The following FRMD4A variants were observed in gnomAD, a reference collection of about 807,000 sequenced individuals.
The protein encoded by FRMD4A is FERM domain containing 4A, also known as FERM domain-containing protein 4A.
Under a neutral mutation model 129.1 loss-of-function variants are expected in FRMD4A, and 29 were observed. That is an observed-to-expected ratio of 0.22 (90% CI 0.17 to 0.31). The LOEUF (loss-of-function observed/expected upper bound fraction) is 0.31, where lower values mean the gene tolerates loss of function less well. Among genes scored for constraint, FRMD4A ranks in the 10% least tolerant of loss-of-function variants. FRMD4A has a pLI of 1.00. For missense variants in FRMD4A, 1,272 were observed against 1,375.8 expected (o/e 0.92, Z 1.19); for synonymous variants, 634 against 571.6 (o/e 1.11, Z -1.56).
chr10:13,955,112 C>CTTCTTTTTT lies in FRMD4A; in HGVS notation c.46-96201_46-96200insAAAAAAGAA, dbSNP rs548228203. Among the ~76,000 whole-genome samples the CTTCTTTTTT allele has an allele frequency of 5.2e-4, 54 of 102,958 alleles. 1 individual carries two copies. The highest frequency in any genetic ancestry group is 6.4e-3 in the Middle Eastern group (1 of 156). The allele number at this position is 102,958 out of a possible 152,430, so 67.5% of individuals were successfully genotyped here. On this transcript the variant is annotated intron_variant, in intron 2 of 24. Coordinates refer to ENST00000357447, the MANE Select transcript of FRMD4A (RefSeq NM_018027.5). ...TTCCAACCCCATGTTAATAATTCTG[C>CTTCTTTTTT]TTTTTTTTTTTTTGAGACGGAGTAT...
intron 2 of FRMD4A, among the ~76,000 whole-genome samples, chr10:14,116,327 G>A (rs1044615435): frequency 3.3e-5 from 5 of 152,198 alleles, no homozygotes; most frequent in South Asian, 2.1e-4. Flanking sequence ...GGATTCAAGC[G>A]AAGAATGCAC....
At chr10:13,995,814 G>T (rs2095620560) in intron 2 of FRMD4A, among the ~76,000 whole-genome samples, 1 of 144,530 alleles carries the variant, frequency 6.9e-6, no homozygotes, top group Non-Finnish European at 1.5e-5. Flanking sequence ...TGCATTTCCA[G>T]ACTGCTTTTT....
chr10:13,832,799 C>G (rs1236007627), intron 3 of FRMD4A, among the ~76,000 whole-genome samples: 1 of 151,972 alleles, frequency 6.6e-6, no homozygotes, highest in Non-Finnish European at 1.5e-5. Flanking sequence ...GCCACCACAC[C>G]CGGCTAATTT....
chr10:14,206,179 T>A (rs1295883544), intron 2 of FRMD4A, among the ~76,000 whole-genome samples: 1 of 152,184 alleles, frequency 6.6e-6, no homozygotes, highest in Non-Finnish European at 1.5e-5. Flanking sequence ...CAGAATAATC[T>A]AAGAGACGCC....
At chr10:14,174,015 C>T (rs1841605620) in intron 2 of FRMD4A, among the ~76,000 whole-genome samples, 1 of 152,104 alleles carries the variant, frequency 6.6e-6, no homozygotes, top group South Asian at 2.1e-4. Context: ...CCCTTACCTT[C>T]GTCCTCATCG....
chr10:13,788,152 T>A (rs745735357), intron 5 of FRMD4A, among the ~76,000 whole-genome samples: 8 of 152,170 alleles, frequency 5.3e-5, no homozygotes, highest in Non-Finnish European at 1.0e-4. Flanking sequence ...GGACTGCTGG[T>A]GCCAGGGTTA....
At chr10:13,675,727 G>C (rs775421793) in intron 15 of FRMD4A, 1 of 151,950 alleles carries the variant, frequency 6.6e-6, no homozygotes, top group South Asian at 2.1e-4. Context: ...ATGTTATTTT[G>C]TTCCCTTAAA....
chr10:13,919,966 A>C, intron 2 of FRMD4A, among the ~76,000 whole-genome samples: 2 of 152,054 alleles, frequency 1.3e-5, no homozygotes, highest in Non-Finnish European at 2.9e-5. Context: ...CAAACACACA[A>C]ACAAACTAAC....
chr10:14,246,953 G>T (rs1317476710), intron 2 of FRMD4A, among the ~76,000 whole-genome samples: 1 of 152,146 alleles, frequency 6.6e-6, no homozygotes, highest in Non-Finnish European at 1.5e-5. Context: ...GTGAACATGG[G>T]CACGGTTAGA....
intron 2 of FRMD4A, among the ~76,000 whole-genome samples, chr10:14,228,896 C>T (rs1843539974): frequency 1.3e-5 from 2 of 152,040 alleles, no homozygotes; most frequent in Admixed American, 1.3e-4. Flanking sequence ...ATCAGATGAT[C>T]CAAGGTTGCT....
intron 5 of FRMD4A, among the ~76,000 whole-genome samples, chr10:13,783,755 T>G (rs1267587154): frequency 6.6e-6 from 1 of 152,332 alleles, no homozygotes; most frequent in East Asian, 1.9e-4. Context: ...GAAGTGTGAT[T>G]TGATTTCTGC....
At chr10:13,669,772 T>TTTTGTTTG (rs149570918) in intron 17 of FRMD4A, among the ~76,000 whole-genome samples, 1 of 152,152 alleles carries the variant, frequency 6.6e-6, no homozygotes, top group African/African-American at 2.4e-5. Flanking sequence ...CAAGTCTTGG[T>TTTTGTTTG]TTTGTTTGTT....
At chr10:13,895,501 G>A (rs1233472187) in intron 2 of FRMD4A, among the ~76,000 whole-genome samples, 1 of 152,120 alleles carries the variant, frequency 6.6e-6, no homozygotes, top group Non-Finnish European at 1.5e-5. Flanking sequence ...CTAGTACCTG[G>A]CACAAGATCT....
At chr10:14,316,340 C>G (rs1184352287) in intron 2 of FRMD4A, among the ~76,000 whole-genome samples, 1 of 152,110 alleles carries the variant, frequency 6.6e-6, no homozygotes, top group East Asian at 1.9e-4. Context: ...AGTTCAGCCC[C>G]CTCTTGCTCT....
intron 2 of FRMD4A, among the ~76,000 whole-genome samples, chr10:14,079,347 A>T (rs1835795053): frequency 6.6e-6 from 1 of 152,198 alleles, no homozygotes; most frequent in South Asian, 2.1e-4. Flanking sequence ...CATAGAAGGA[A>T]AAGCCCAGAC....
chr10:13,677,955 C>T (rs1012969151), intron 15 of FRMD4A, among the ~76,000 whole-genome samples: 1 of 152,194 alleles, frequency 6.6e-6, no homozygotes, highest in East Asian at 1.9e-4. Context: ...TCACCCCTGC[C>T]TAACCTCTCA....
At chr10:14,160,176 A>G (rs1034995080) in intron 2 of FRMD4A, among the ~76,000 whole-genome samples, 1 of 152,234 alleles carries the variant, frequency 6.6e-6, no homozygotes, top group Non-Finnish European at 1.5e-5. Context: ...TTTACAGCCA[A>G]CTGATTTTTG....
At chr10:13,841,517 T>G (rs2093965150) in intron 3 of FRMD4A, among the ~76,000 whole-genome samples, 1 of 152,204 alleles carries the variant, frequency 6.6e-6, no homozygotes, top group Non-Finnish European at 1.5e-5. Flanking sequence ...TCCAATCACA[T>G]GGCCAAGGAT....
At chr10:14,255,766 G>A (rs991198354) in intron 2 of FRMD4A, among the ~76,000 whole-genome samples, 1 of 152,106 alleles carries the variant, frequency 6.6e-6, no homozygotes, top group South Asian at 2.1e-4. Context: ...AGCACACTGC[G>A]AGGCCGAGGC....
Sources: gnomAD v4.1 joint callset for allele counts (sites outside exome capture counted in the v4.1 genomes callset) on GRCh38, gnomAD v4.1.1 for gene constraint, MANE v1.5 for transcripts, NCBI Gene and HGNC (gene_info 2026-07-23, HGNC 2026-07-21) for gene names.